The following LPAR5 variants were observed in gnomAD, a reference collection of about 807,000 sequenced individuals.
The protein encoded by LPAR5 is G protein-coupled receptor 92.
For missense variants in LPAR5, 544 were observed against 521.8 expected (o/e 1.04, Z -0.41); for synonymous variants, 271 against 261.6 (o/e 1.04, Z -0.35).
chr12:6,620,229 G>A lies in LPAR5; in HGVS notation c.1020C>T (p.Asp340=), dbSNP rs777530539. The A allele has an allele frequency of 1.2e-6, 2 of 1,611,972 alleles. No homozygotes were observed. The highest frequency in any genetic ancestry group is 8.5e-7 in the Non-Finnish European group (1 of 1,179,098). The change falls in exon 2 of 2, where the codon GAC becomes GAT. Residue 340 remains aspartate (D), a synonymous_variant. Transcript: ENST00000329858. The surrounding 1 kb of genome is among the most constrained non-coding windows in gnomAD (Gnocchi z 6.8). ...GACTGGCGGCATCCGGCCTGGTGGC[G>A]TCGGTGGTGACGGCGGACCTTTCGG... The part of the protein sequence containing the change: ...AQSERSAVTT[D]ATRPDAASQG...
At chr12:6,629,697 A>T (rs966845793) in intron 1 of LPAR5, among the ~76,000 whole-genome samples, 3 of 150,520 alleles carry the variant, frequency 2.0e-5, no homozygotes, top group African/African-American at 7.3e-5. Flanking sequence ...TTAAAATGTT[A>T]AATAGACCAA....
Position 6,621,312 on chromosome 12 carries a change from G to A in LPAR5, c.-64C>T. ...ATGGAGCACACCAGAATCATGGCAT[G>A]GCATTCACCTCCGGGGCTGGGGCCT... On this transcript the variant is annotated 5_prime_UTR_variant, in exon 2 of 2. Transcript: ENST00000329858. 1.4e-6 allele frequency: 2 copies of A among 1,410,592 alleles called. No individual in the cohort carries two copies. Among genetic ancestry groups the A allele is most frequent in the Non-Finnish European group, 1.9e-6 (2 of 1,075,972 alleles). The allele number at this position is 1,410,592 out of a possible 1,614,324, so 87.4% of individuals were successfully genotyped here. A position where few individuals can be genotyped will look rare whatever the true frequency, so the allele number is the denominator to read the frequency against.
chr12:6,634,025 G>T (rs1027181539), intron 1 of LPAR5, among the ~76,000 whole-genome samples: 7 of 150,884 alleles, frequency 4.6e-5, no homozygotes, highest in South Asian at 2.1e-4. Context: ...TTTTTTTTTT[G>T]AGATAGAGTC....
In LPAR5 at chr12:6,620,599, G is replaced by C; in HGVS notation, c.650C>G (p.Thr217Arg). 3.9e-6 allele frequency: 6 copies of C among 1,551,842 alleles called. No individual in the cohort carries two copies. The highest frequency in any genetic ancestry group is 5.2e-6 in the Non-Finnish European group (6 of 1,148,216). Residue 217 changes from threonine (T) to arginine (R), a missense_variant, in exon 2 of 2, where the codon ACG becomes AGG. By Grantham distance (71) the Thr-to-Arg change is moderately conservative (BLOSUM62 -1). Transcript: ENST00000329858. This position sits in a 1 kb window ranked among gnomAD's most constrained non-coding sequence, Gnocchi z 6.8. ...CTGCGTGGCGTCGGGGCGCGCCAGC[G>C]TCCAGAAGACTCGGCCCGACGAGTA... ...VVYSSGRVFW[T>R]LARPDATQSQ...
At chr12:6,632,030 G>A (rs1037605043) in intron 1 of LPAR5, among the ~76,000 whole-genome samples, 10 of 152,024 alleles carry the variant, frequency 6.6e-5, no homozygotes, top group South Asian at 2.1e-4. Context: ...GGAGTGCAAC[G>A]GTGCAATCTC....
Position 6,621,116 on chromosome 12 carries a change from A to G in LPAR5, c.133T>C (p.Trp45Arg). 6.2e-7 allele frequency: 1 copy of G among 1,604,320 alleles called. No homozygotes were observed. The highest frequency in any genetic ancestry group is 8.5e-7 in the Non-Finnish European group (1 of 1,174,786). Reference protein sequence around the residue: ...AGLPLNALALWVFLRALRVHS... With the variant: ...AGLPLNALALRVFLRALRVHS... ...ACGCGCAGCGCGCGCAGGAAGACCCAGAGGGCTAGCGCGTTGAGGGGGAGC... is the reference window on the plus strand; with the variant it reads ...ACGCGCAGCGCGCGCAGGAAGACCCGGAGGGCTAGCGCGTTGAGGGGGAGC... The change falls in exon 2 of 2, where the codon TGG becomes CGG. Residue 45 changes from tryptophan to arginine, a missense_variant. Transcript: ENST00000329858.
chr12:6,621,238 T>C lies in LPAR5; in HGVS notation c.11A>G (p.Asn4Ser), dbSNP rs140954912. 90 of 1,504,724 alleles carry C rather than the reference T, an allele frequency of 6.0e-5. No homozygotes were observed. The highest frequency in any genetic ancestry group is 7.9e-5 in the Non-Finnish European group (89 of 1,126,230). The allele number at this position is 1,504,724 out of a possible 1,614,324, so 93.2% of individuals were successfully genotyped here. MLA[N>S]SSSTNSSVLP... ...AACAGAACTGTTGGTTGAGGAGCTG[T>C]TGGCTAACATCGTGCCAAAGTGGGA... Residue 4 changes from asparagine to serine, a missense_variant, in exon 2 of 2, where the codon AAC becomes AGC. Physicochemically the swap from Asn to Ser is conservative, Grantham distance 46. Coordinates refer to ENST00000329858, the MANE Select transcript of LPAR5 (RefSeq NM_020400.6).
intron 1 of LPAR5, among the ~76,000 whole-genome samples, chr12:6,626,283 A>G (rs1435122295): frequency 6.6e-6 from 1 of 152,112 alleles, no homozygotes; most frequent in Non-Finnish European, 1.5e-5. Flanking sequence ...TCAAAAAAAG[A>G]AAAAATTTTT....
At chr12:6,624,497 T>A (rs1012876581) in intron 1 of LPAR5, among the ~76,000 whole-genome samples, 1 of 152,252 alleles carries the variant, frequency 6.6e-6, no homozygotes, top group Non-Finnish European at 1.5e-5. Context: ...TTGCCTATTC[T>A]AGATACCTCA....
chr12:6,625,589 G>T (rs1013248053), intron 1 of LPAR5, among the ~76,000 whole-genome samples: 1 of 151,330 alleles, frequency 6.6e-6, no homozygotes, highest in Non-Finnish European at 1.5e-5. Context: ...TGAGCGTGGT[G>T]GTGGGCGCCT....
intron 1 of LPAR5, among the ~76,000 whole-genome samples, chr12:6,630,619 A>G (rs766282760): frequency 1.1e-4 from 17 of 151,220 alleles, no homozygotes; most frequent in Non-Finnish European, 2.2e-4. Context: ...TGCCTGGCTA[A>G]TTTTTGTATT....
intron 1 of LPAR5, among the ~76,000 whole-genome samples, chr12:6,621,780 T>C (rs1462131746): frequency 6.6e-6 from 1 of 152,160 alleles, no homozygotes; most frequent in Non-Finnish European, 1.5e-5. Context: ...ACCAATTGCT[T>C]GAACCTAGGA....
rs757583542 is a variant in LPAR5 at position 6,620,646 on chromosome 12, C to G, written c.603G>C (p.Leu201=). 1.1e-5 allele frequency: 17 copies of G among 1,554,904 alleles called. No individual in the cohort carries two copies. Among genetic ancestry groups the G allele is most frequent in the South Asian group, 2.4e-5 (2 of 84,764 alleles). ...AGTAGACCACCGCCGCCAGGGGCAG[C>G]AGGAAGCCCAGCGCCTCGGCCAGCA... ...LVLLAEALGF[L]LPLAAVVYSS... is the part of the protein sequence containing the mutation. The change falls in exon 2 of 2, where the codon CTG becomes CTC. Residue 201 remains leucine (L), a synonymous_variant. Transcript: ENST00000329858. This position sits in a 1 kb window ranked among gnomAD's most constrained non-coding sequence, Gnocchi z 6.8.
At position 6,621,186 on chromosome 12, in the gene LPAR5, G is replaced by A; in HGVS notation, c.63C>T (p.Thr21=). The stretch of plus-strand genomic sequence containing the variant: ...TGTAGACCACCAAGTGCAGGCGGTG[G>A]GTAGGTCGGTAGTCAGGACACGGGA... ...SVLPCPDYRP[T]HRLHLVVYSL... Residue 21 remains threonine (T), a synonymous_variant, in exon 2 of 2, where the codon ACC becomes ACT. Transcript: ENST00000329858. 6.4e-7 allele frequency: 1 copy of A among 1,557,496 alleles called. No individual in the cohort carries two copies. The highest frequency in any genetic ancestry group is 8.7e-7 in the Non-Finnish European group (1 of 1,152,394).
chr12:6,635,496 C>T (rs1028411701), intron 1 of LPAR5, among the ~76,000 whole-genome samples: 4 of 152,152 alleles, frequency 2.6e-5, no homozygotes, highest in Non-Finnish European at 4.4e-5. Context: ...TTGTCATCTG[C>T]CTGGCCCTGG....
rs1252746186 is a variant in LPAR5, at chr12:6,621,334, G to A, written c.-86C>T. The A allele has an allele frequency of 7.5e-7, 1 of 1,327,426 alleles. No individual in the cohort carries two copies. Among genetic ancestry groups the A allele is most frequent in the African/African-American group, 1.5e-5 (1 of 66,128 alleles). The allele number at this position is 1,327,426 out of a possible 1,614,324, so 82.2% of individuals were successfully genotyped here. On this transcript the variant is annotated 5_prime_UTR_variant, in exon 2 of 2. Coordinates refer to ENST00000329858, the MANE Select transcript of LPAR5 (RefSeq NM_020400.6). ...CATGGCATTCACCTCCGGGGCTGGG[G>A]CCTAGAGGCTGTACAGACATGGTCC...
rs1213724262 is a variant in LPAR5 at position 6,620,602 on chromosome 12, C to G, written c.647G>C (p.Trp216Ser). The change falls in exon 2 of 2, where the codon TGG (tryptophan) becomes TCG (serine). Residue 216 changes from tryptophan (W) to serine (S), a missense_variant. Trp to Ser is a radical substitution (Grantham distance 177). Coordinates refer to ENST00000329858, the MANE Select transcript of LPAR5 (RefSeq NM_020400.6). This position sits in a 1 kb window ranked among gnomAD's most constrained non-coding sequence, Gnocchi z 6.8. ...AVVYSSGRVF[W>S]TLARPDATQS... ...CGTGGCGTCGGGGCGCGCCAGCGTC[C>G]AGAAGACTCGGCCCGACGAGTAGAC... 1.9e-6 allele frequency: 3 copies of G among 1,551,824 alleles called. No homozygotes were observed. Among genetic ancestry groups the G allele is most frequent in the Non-Finnish European group, 2.6e-6 (3 of 1,148,244 alleles).
At position 6,619,702 on chromosome 12, in the gene LPAR5, A is replaced by C. The variant is rs559362350; in HGVS notation, c.*428T>G. 5.6e-6 allele frequency: 2 copies of C among 355,064 alleles called. No homozygotes were observed. Among genetic ancestry groups the C allele is most frequent in the East Asian group, 7.3e-5 (1 of 13,628 alleles). 22.0% of individuals were successfully genotyped at this position (355,064 alleles called of 1,614,324 possible). A position where few individuals can be genotyped will look rare whatever the true frequency, so the allele number is the denominator to read the frequency against. Reference sequence around the variant, plus strand: ...TCCATGAGCCTAGACAGAAGTCAGCAGATGAACAGGCATCTCAGTAGCTTT... The same window carrying C: ...TCCATGAGCCTAGACAGAAGTCAGCCGATGAACAGGCATCTCAGTAGCTTT... On this transcript the variant is annotated 3_prime_UTR_variant, in exon 2 of 2. Transcript: ENST00000329858.
chr12:6,620,518 A>T lies in LPAR5; in HGVS notation c.731T>A (p.Leu244Gln). Residue 244 changes from leucine to glutamine, a missense_variant, in exon 2 of 2, where the codon CTG (leucine) becomes CAG (glutamine). Transcript: ENST00000329858. The surrounding 1 kb of genome is among the most constrained non-coding windows in gnomAD (Gnocchi z 6.8). Reference protein sequence around the residue: ...RLLLANLVIFLLCFVPYNSTL... With the variant: ...RLLLANLVIFQLCFVPYNSTL... ...GCTGTTGTAGGGCACGAAGCACAGC[A>T]GGAAGATGACGAGGTTAGCCAGCAG... The T allele has an allele frequency of 6.3e-7, 1 of 1,582,584 alleles. No individual in the cohort carries two copies. Among genetic ancestry groups the T allele is most frequent in the South Asian group, 1.1e-5 (1 of 87,748 alleles).
Sources: gnomAD v4.1 joint callset for allele counts (sites outside exome capture counted in the v4.1 genomes callset) on GRCh38, gnomAD v4.1.1 for gene constraint, Gnocchi (gnomAD v3.1) non-coding constraint, MANE v1.5 for transcripts, NCBI Gene and HGNC (gene_info 2026-07-23, HGNC 2026-07-21) for gene names.